The following NPEPPS variants were observed in gnomAD, a reference collection of about 807,000 sequenced individuals.
NPEPPS encodes puromycin-sensitive aminopeptidase.
Under a neutral mutation model 115.5 loss-of-function variants are expected in NPEPPS, and 14 were observed. That is an observed-to-expected ratio of 0.12 (90% confidence interval 0.08 to 0.19). The LOEUF (loss-of-function observed/expected upper bound fraction) is 0.19, where lower values mean the gene tolerates loss of function less well. Among genes scored for constraint, NPEPPS ranks in the 10% least tolerant of loss-of-function variants. The pLI is 1.00. For missense variants in NPEPPS, 523 were observed against 1,110.8 expected (o/e 0.47, Z 7.52); for synonymous variants, 285 against 390.6 (o/e 0.73, Z 3.19).
At chr17:47,558,320 G>T (rs1910197099) in intron 2 of NPEPPS, among the ~76,000 whole-genome samples, 1 of 151,768 alleles carries the variant, frequency 6.6e-6, no homozygotes, top group South Asian at 2.1e-4. Context: ...GTAGAGATGG[G>T]GTTTCACCAT....
At chr17:47,530,539 G>A (rs563978078), upstream of NPEPPS, among the ~76,000 whole-genome samples, 86 of 151,110 alleles carry the variant, frequency 5.7e-4, no homozygotes, top group African/African-American at 1.9e-3. Flanking sequence ...TGTACTTTTA[G>A]TAGAGACGGG....
chr17:47,617,188 G>A (rs1322294428), intron 19 of NPEPPS, among the ~76,000 whole-genome samples: 1 of 152,126 alleles, frequency 6.6e-6, no homozygotes, highest in Non-Finnish European at 1.5e-5. Flanking sequence ...ATTTGTTAAT[G>A]TACATATAGT....
intron 1 of NPEPPS, among the ~76,000 whole-genome samples, chr17:47,541,764 G>A (rs1908785541): frequency 6.6e-6 from 1 of 152,132 alleles, no homozygotes; most frequent in South Asian, 2.1e-4. Flanking sequence ...TCGCCAGTTG[G>A]ACACAAAGGT....
chr17:47,608,470 A>T (rs1913648131), intron 17 of NPEPPS, among the ~76,000 whole-genome samples: 1 of 151,746 alleles, frequency 6.6e-6, no homozygotes, highest in African/African-American at 2.4e-5. Flanking sequence ...AAAAAAAAAA[A>T]AAAAGTGAGG....
chr17:47,565,879 G>A (rs1184826716), intron 2 of NPEPPS, among the ~76,000 whole-genome samples: 12 of 152,100 alleles, frequency 7.9e-5, no homozygotes. Context: ...TTAGATATCT[G>A]GAGAAAGACT....
intron 2 of NPEPPS, among the ~76,000 whole-genome samples, chr17:47,549,891 C>T (rs1909513981): frequency 6.8e-6 from 1 of 147,816 alleles, no homozygotes; most frequent in Non-Finnish European, 1.5e-5. Flanking sequence ...AAAGTAAAAT[C>T]AGAAAATTAC....
intron 1 of NPEPPS, among the ~76,000 whole-genome samples, chr17:47,543,948 G>A (rs761355755): frequency 1.1e-4 from 16 of 144,474 alleles, no homozygotes; most frequent in Admixed American, 4.2e-4. Flanking sequence ...AGGCTGGAGC[G>A]CAGTGGCACA....
Position 47,525,631 on chromosome 17 carries a change from T to A in NPEPPS, c.77+2568T>A, listed in dbSNP as rs549834989. 2.0e-5 allele frequency among the ~76,000 whole-genome samples: 3 copies of A among 152,220 alleles called. No individual in the cohort carries two copies. In the East Asian group the frequency reaches 5.8e-4, roughly 29 times the overall value. ...GTGCTGGGATTACAGGCGTGAGGCA[T>A]GGTGCCTAGCCTAGTGTTTTGTTTT... On this transcript the variant is annotated intron_variant, in intron 1 of 5. Coordinates refer to the NPEPPS transcript ENST00000525007.
At chr17:47,588,882 A>G (rs1431649350) in intron 9 of NPEPPS, among the ~76,000 whole-genome samples, 1 of 152,138 alleles carries the variant, frequency 6.6e-6, no homozygotes, top group Non-Finnish European at 1.5e-5. Context: ...TATTTTAGGA[A>G]GCTACTAGGC....
intron 22 of NPEPPS, chr17:47,620,214 CAAA>C (rs370690314): frequency 6.8e-5 from 4 of 58,462 alleles, no homozygotes; most frequent in African/African-American, 1.3e-4. Context: ...ACTCCTGTCT[CAAA>C]AAAAAAAAAA....
chr17:47,596,033 G>C (rs1912853647), intron 12 of NPEPPS: 1 of 175,172 alleles, frequency 5.7e-6, no homozygotes, highest in Non-Finnish European at 1.2e-5. Flanking sequence ...TGCACCTGTA[G>C]TCCCAGCTAC....
At chr17:47,534,541 T>C (rs920581956) in intron 1 of NPEPPS, among the ~76,000 whole-genome samples, 6 of 152,012 alleles carry the variant, frequency 3.9e-5, no homozygotes, top group Non-Finnish European at 8.8e-5. Context: ...ATTAGAAACT[T>C]AGTGGATTTA....
rs1029993473 is a variant in NPEPPS at position 47,538,526 on chromosome 17, CTTTTTTT to C, written c.255+6985_255+6991del. On this transcript the variant is annotated intron_variant, in intron 1 of 22. Coordinates refer to ENST00000322157, the MANE Select transcript of NPEPPS (RefSeq NM_006310.4). ...ACCGCGCCTAGTCCATATCTGTTTT[CTTTTTTT>C]TTTTTTTTTTTTTGGAGACAGAGTC... Among the ~76,000 whole-genome samples, 207 of 104,418 alleles carry C rather than the reference CTTTTTTT, an allele frequency of 2.0e-3. 3 individuals carry two copies. The highest frequency in any genetic ancestry group is 2.2e-3 in the Non-Finnish European group (113 of 51,724). The allele number at this position is 104,418 out of a possible 152,430, so 68.5% of individuals were successfully genotyped here.
At chr17:47,610,575 G>A (rs555683579) in intron 17 of NPEPPS, among the ~76,000 whole-genome samples, 48 of 151,982 alleles carry the variant, frequency 3.2e-4, no homozygotes, top group African/African-American at 1.1e-3. Flanking sequence ...GTAGACATGG[G>A]GTTTCACCAT....
At chr17:47,535,991 C>G (rs1414334430) in intron 1 of NPEPPS, among the ~76,000 whole-genome samples, 1 of 151,878 alleles carries the variant, frequency 6.6e-6, no homozygotes, top group Non-Finnish European at 1.5e-5. Flanking sequence ...CACGCGCCGC[C>G]ATGCCTGGCT....
chr17:47,540,188 G>GTCTA (rs1908651861), intron 1 of NPEPPS, among the ~76,000 whole-genome samples: 1 of 151,822 alleles, frequency 6.6e-6, no homozygotes, highest in South Asian at 2.1e-4. Flanking sequence ...TTGAAGTGCA[G>GTCTA]TCTATATAGG....
chr17:47,549,681 GA>G (rs1909492448), intron 2 of NPEPPS, among the ~76,000 whole-genome samples: 1 of 149,108 alleles, frequency 6.7e-6, no homozygotes, highest in African/African-American at 2.5e-5. Context: ...TTGGGAGGCT[GA>G]AGGCAGGAGA....
At chr17:47,613,591 C>G (rs1238459386) in intron 18 of NPEPPS, 78 bp from the exon 19 acceptor site, 1 of 1,207,112 alleles carries the variant, frequency 8.3e-7, no homozygotes, top group East Asian at 2.3e-5. Context: ...TGTTTACTTG[C>G]TTTCTGTCTT....
Position 47,605,418 on chromosome 17 carries a change from A to T in NPEPPS, c.1961A>T (p.Asp654Val). The change falls in exon 17 of 23, where the codon GAC becomes GTC. Residue 654 changes from aspartate (D) to valine (V), a missense_variant. Asp to Val is a radical substitution (Grantham distance 152, BLOSUM62 -3). Coordinates refer to ENST00000322157, the MANE Select transcript of NPEPPS (RefSeq NM_006310.4). ...GAGCCCAATTATACTGTATGGAGCG[A>T]CCTGAGCTGTAACCTGGGGATTCTC... ...VNEPNYTVWS[D>V]LSCNLGILST... The T allele has an allele frequency of 6.2e-7, 1 of 1,610,834 alleles. No homozygotes were observed. Among genetic ancestry groups the T allele is most frequent in the Non-Finnish European group, 8.5e-7 (1 of 1,178,426 alleles).
Sources: allele counts gnomAD v4.1 joint callset (sites outside exome capture counted in the v4.1 genomes callset), GRCh38; gene constraint gnomAD v4.1.1; transcripts MANE v1.5; gene names NCBI Gene and HGNC (gene_info 2026-07-23, HGNC 2026-07-21).